Variants in CEP128 observed in about 807,000 individuals in gnomAD.
CEP128 encodes centrosomal protein 128kDa.
A neutral mutation model predicts 156.7 loss-of-function variants in CEP128; 132 were observed. That is an observed-to-expected ratio of 0.84 (90% CI 0.73 to 0.97). The LOEUF is 0.97. Among genes scored for constraint, CEP128 ranks in the 50% least tolerant of loss-of-function variants. The pLI is 0.00. For synonymous variants in CEP128, 469 were observed against 448.9 expected (o/e 1.04, Z -0.57); for missense variants, 1,252 against 1,281.9 (o/e 0.98, Z 0.36).
At chr14:80,818,744 G>T (rs182136924) in intron 13 of CEP128, among the ~76,000 whole-genome samples, 1 of 152,304 alleles carries the variant, frequency 6.6e-6, no homozygotes, top group Admixed American at 6.5e-5. Flanking sequence ...TTGCAACCTA[G>T]AAGGAACAAA....
intron 2 of CEP128, chr14:80,955,615 C>G (rs1041823836): frequency 3.8e-6 from 6 of 1,599,594 alleles, no homozygotes; most frequent in African/African-American, 2.7e-5. Context: ...TGGGGTAACC[C>G]GAGGTGCAGA....
chr14:80,562,185 CA>C (rs949633970), intron 20 of CEP128, among the ~76,000 whole-genome samples: 1 of 152,004 alleles, frequency 6.6e-6, no homozygotes, highest in African/African-American at 2.4e-5. Flanking sequence ...CTCAGCCTCC[CA>C]AAGTGCAATA....
chr14:80,648,625 T>C (rs1894762865), intron 19 of CEP128, among the ~76,000 whole-genome samples: 1 of 152,154 alleles, frequency 6.6e-6, no homozygotes, highest in South Asian at 2.1e-4. Context: ...AGGAAGTCTG[T>C]AGAAGAATAC....
chr14:80,840,807 TG>T, intron 9 of CEP128, 39 bp from the exon 10 acceptor site: 1 of 1,226,982 alleles, frequency 8.2e-7, no homozygotes, highest in Non-Finnish European at 1.2e-6. Context: ...TCCCAAAATA[TG>T]TACAAAACTG....
Position 80,743,151 on chromosome 14 carries a change from T to C in CEP128, c.2730A>G (p.Glu910=). Reference sequence around the variant, plus strand: ...GTTGAAAGAGACACTGCAACTCAGATTCCTTGTTTTCAGTCAAATTCCTGA... The same window carrying C: ...GTTGAAAGAGACACTGCAACTCAGACTCCTTGTTTTCAGTCAAATTCCTGA... The part of the protein sequence containing the change: ...QQLRNLTENK[E]SELQCLFQQI... The change falls in exon 19 of 25, where the codon GAA becomes GAG. Residue 910 remains glutamate (E), a synonymous_variant. Transcript: ENST00000555265. 1.2e-6 allele frequency: 2 copies of C among 1,613,774 alleles called. No individual in the cohort carries two copies. Among genetic ancestry groups the C allele is most frequent in the Non-Finnish European group, 8.5e-7 (1 of 1,179,808 alleles).
intron 2 of CEP128, among the ~76,000 whole-genome samples, chr14:80,920,579 C>A (rs1325952911): frequency 7.2e-5 from 11 of 152,104 alleles, no homozygotes; most frequent in African/African-American, 1.4e-4. Flanking sequence ...ACTGACCAGG[C>A]CTCTGAAAAT....
At chr14:80,587,921 G>A (rs1891887576) in intron 19 of CEP128, among the ~76,000 whole-genome samples, 1 of 152,114 alleles carries the variant, frequency 6.6e-6, no homozygotes, top group Admixed American at 6.6e-5. Context: ...ATTGGGCTGG[G>A]AGAAAGTTTA....
intron 19 of CEP128, among the ~76,000 whole-genome samples, chr14:80,629,517 T>G (rs561883156): frequency 1.4e-5 from 2 of 142,058 alleles, no homozygotes; most frequent in South Asian, 4.4e-4. Context: ...AGTAATATAT[T>G]TTTTTTTTCT....
chr14:80,753,164 T>C (rs1899476738), intron 18 of CEP128, among the ~76,000 whole-genome samples: 1 of 152,150 alleles, frequency 6.6e-6, no homozygotes, highest in South Asian at 2.1e-4. Context: ...ATATAATTAC[T>C]CTTTCAAAAA....
chr14:80,778,072 G>T (rs775197798), intron 15 of CEP128, 26 bp from the exon 16 acceptor site: 5 of 1,605,662 alleles, frequency 3.1e-6, no homozygotes, highest in Admixed American at 3.4e-5. Flanking sequence ...GGAAAAAACA[G>T]AAAGTCCACT....
At chr14:80,675,220 T>C (rs1315067880) in intron 19 of CEP128, among the ~76,000 whole-genome samples, 3 of 152,078 alleles carry the variant, frequency 2.0e-5, no homozygotes. Flanking sequence ...TACATTTGAG[T>C]TCTTTTCTGA....
At chr14:80,817,658 G>A (rs956816094) in intron 13 of CEP128, among the ~76,000 whole-genome samples, 2 of 152,224 alleles carry the variant, frequency 1.3e-5, no homozygotes, top group Middle Eastern at 3.4e-3. Context: ...CAAGGCAGAC[G>A]GATCACGAGG....
chr14:80,555,802 T>C (rs1890408258), intron 21 of CEP128, among the ~76,000 whole-genome samples: 1 of 152,112 alleles, frequency 6.6e-6, no homozygotes, highest in South Asian at 2.1e-4. Flanking sequence ...TGAACCCAGA[T>C]CACAATGATG....
chr14:80,706,620 G>A (rs542747734), intron 19 of CEP128, among the ~76,000 whole-genome samples: 3 of 152,140 alleles, frequency 2.0e-5, no homozygotes, highest in African/African-American at 4.8e-5. Flanking sequence ...TATGATGTGG[G>A]TCTTTTAGGG....
chr14:80,953,580 G>A (rs1326679496), intron 2 of CEP128, among the ~76,000 whole-genome samples: 2 of 152,190 alleles, frequency 1.3e-5, no homozygotes, highest in Admixed American at 6.5e-5. Context: ...GCGAGACTCC[G>A]TCTCAAACAA....
chr14:80,852,334 T>C (rs1886932679), intron 9 of CEP128, among the ~76,000 whole-genome samples: 1 of 151,436 alleles, frequency 6.6e-6, no homozygotes, highest in Non-Finnish European at 1.5e-5. Flanking sequence ...ATAGAGAAAA[T>C]TGTAACAAAT....
chr14:80,645,439 T>A (rs1316062806), intron 19 of CEP128, among the ~76,000 whole-genome samples: 2 of 152,004 alleles, frequency 1.3e-5, no homozygotes, highest in South Asian at 2.1e-4. Context: ...ATGGTAAAAA[T>A]GAAGATAATT....
At chr14:80,638,908 C>T (rs898673940) in intron 19 of CEP128, among the ~76,000 whole-genome samples, 9 of 151,986 alleles carry the variant, frequency 5.9e-5, no homozygotes, top group Admixed American at 1.3e-4. Context: ...TGACTCATTA[C>T]GAAACCACTT....
chr14:80,793,218 TATTAA>T, intron 13 of CEP128, 108 bp from the exon 14 acceptor site: 1 of 803,926 alleles, frequency 1.2e-6, no homozygotes, highest in Non-Finnish European at 1.9e-6. Context: ...AAATCATCTG[TATTAA>T]AATTCATTAG....
Sources: allele counts gnomAD v4.1 joint callset (sites outside exome capture counted in the v4.1 genomes callset), GRCh38; gene constraint gnomAD v4.1.1; transcripts MANE v1.5; gene names NCBI Gene and HGNC (gene_info 2026-07-23, HGNC 2026-07-21).